The following MID1 variants were observed in gnomAD, a reference collection of about 807,000 sequenced individuals.
MID1 encodes midline 1.
In MID1, 7 loss-of-function variants were observed where a neutral mutation model predicts 40.4. That is an observed-to-expected ratio of 0.17 (90% confidence interval 0.10 to 0.33). The LOEUF is 0.33. MID1 is among the 10% of genes least tolerant of loss of function. MID1 has a pLI of 1.00. For missense variants in MID1, 367 were observed against 558.5 expected (o/e 0.66, Z 3.46); for synonymous variants, 229 against 221.2 (o/e 1.04, Z -0.31).
intron 7 of MID1, among the ~76,000 whole-genome samples, chrX:10,463,641 TGTAGG>T (rs1000189927): frequency 8.9e-6 from 1 of 112,435 alleles, no homozygotes; most frequent in Non-Finnish European, 1.9e-5. Flanking sequence ...TCCGTATTTT[TGTAGG>T]AATAATAACT....
chrX:10,595,241 C>T (rs1404999117), intron 1 of MID1, among the ~76,000 whole-genome samples: 2 of 111,721 alleles, frequency 1.8e-5, no homozygotes, highest in African/African-American at 6.5e-5. Flanking sequence ...CGAAGACACA[C>T]CCGCATATTC....
chrX:10,764,575 G>A (rs900801188), intron 1 of MID1, among the ~76,000 whole-genome samples: 2 of 111,419 alleles, frequency 1.8e-5, no homozygotes, highest in African/African-American at 3.3e-5. Flanking sequence ...TTTTTTTAAA[G>A]CTCTGTGTAT....
At chrX:10,519,634 A>G (rs774751924) in intron 3 of MID1, among the ~76,000 whole-genome samples, 2 of 111,391 alleles carry the variant, frequency 1.8e-5, no homozygotes, top group African/African-American at 6.5e-5. Flanking sequence ...CTGCTCTCTC[A>G]CCTATGTTTT....
chrX:10,620,993 A>G (rs1049876340), upstream of MID1, among the ~76,000 whole-genome samples: 1 of 112,069 alleles, frequency 8.9e-6, no homozygotes, highest in African/African-American at 3.2e-5. Context: ...TATGAGTAAC[A>G]CCTTAACTAA....
At chrX:10,539,179 T>C (rs1368701094) in intron 2 of MID1, among the ~76,000 whole-genome samples, 2 of 112,090 alleles carry the variant, frequency 1.8e-5, no homozygotes, top group Non-Finnish European at 3.8e-5. Context: ...TGTAACATTA[T>C]TTTACTTTAC....
chrX:10,617,486 G>A (rs1172940771), intron 1 of MID1, among the ~76,000 whole-genome samples: 1 of 112,321 alleles, frequency 8.9e-6, no homozygotes, highest in Non-Finnish European at 1.9e-5. Context: ...TAGCAGCTAC[G>A]TGACTTACTT....
intron 1 of MID1, among the ~76,000 whole-genome samples, chrX:10,827,554 A>T (rs1380998503): frequency 9.5e-6 from 1 of 105,552 alleles, no homozygotes; most frequent in Non-Finnish European, 1.9e-5. Flanking sequence ...TTGTCCGGAC[A>T]GATACCCAGG....
intron 4 of MID1, among the ~76,000 whole-genome samples, chrX:10,488,276 G>A (rs1930734015): frequency 9.0e-6 from 1 of 111,361 alleles, no homozygotes. Context: ...GAGCCACCGT[G>A]ACCAGTCTCA....
intron 1 of MID1, among the ~76,000 whole-genome samples, chrX:10,591,596 C>T (rs1017527947): frequency 2.7e-5 from 3 of 111,543 alleles, no homozygotes; most frequent in Non-Finnish European, 3.8e-5. Flanking sequence ...TTTATTGTGC[C>T]GGAGCCACTG....
chrX:10,658,483 CATACAAAA>C (rs2042891231), intron 1 of MID1, among the ~76,000 whole-genome samples: 1 of 18,102 alleles, frequency 5.5e-5, no homozygotes, highest in Admixed American at 6.2e-4. Context: ...AATTACAGAA[CATACAAAA>C]ATAAAGATTT....
intron 1 of MID1, among the ~76,000 whole-genome samples, chrX:10,710,424 T>C (rs773439137): frequency 3.8e-4 from 42 of 111,542 alleles, no homozygotes; most frequent in African/African-American, 1.3e-3. Flanking sequence ...TGGGTTATAG[T>C]AATTAATAAG....
chrX:10,698,021 A>G (rs920405691), intron 1 of MID1, among the ~76,000 whole-genome samples: 1 of 112,812 alleles, frequency 8.9e-6, no homozygotes, highest in Non-Finnish European at 1.9e-5. Context: ...ACTTCAAAGT[A>G]TTGATGTGGG....
intron 1 of MID1, chrX:10,582,824 T>C (rs1399820052): frequency 8.9e-6 from 1 of 111,968 alleles, no homozygotes; most frequent in Non-Finnish European, 1.9e-5. Flanking sequence ...TTGGTGCTTG[T>C]TTCAGCAGCA....
intron 1 of MID1, among the ~76,000 whole-genome samples, chrX:10,819,158 C>T (rs1190354111): frequency 3.6e-5 from 4 of 110,466 alleles, no homozygotes; most frequent in Non-Finnish European, 5.7e-5. Context: ...TCTCTCCCTC[C>T]CTCCCTCTTT....
chrX:10,528,219 T>TA (rs1266966801), intron 2 of MID1, among the ~76,000 whole-genome samples: 2 of 110,858 alleles, frequency 1.8e-5, no homozygotes, highest in East Asian at 2.8e-4. Flanking sequence ...GTAGTCACAT[T>TA]AAAAAAAATA....
At chrX:10,810,692 TTC>T (rs1156962149) in intron 1 of MID1, among the ~76,000 whole-genome samples, 2 of 82,140 alleles carry the variant, frequency 2.4e-5, no homozygotes, top group African/African-American at 4.6e-5. Flanking sequence ...GCTTGTTGTT[TTC>T]TCTGTGTGTG....
intron 1 of MID1, among the ~76,000 whole-genome samples, chrX:10,642,906 A>C (rs1422652004): frequency 9.0e-6 from 1 of 111,580 alleles, no homozygotes; most frequent in Non-Finnish European, 1.9e-5. Flanking sequence ...AAAAACAAGA[A>C]ATGGGGAAAA....
At position 10,585,904 on chromosome X, in the gene MID1, AT is replaced by A. The variant is rs780562858; in HGVS notation, c.-56-18302del. On this transcript the variant is annotated intron_variant, in intron 1 of 9. Transcript: ENST00000317552. ...TTATTAATGACAGCACAGGCATCGAATTTCAAGGTGACTTGTTTGGGCACTT... is the reference window on the plus strand; with the variant it reads ...TTATTAATGACAGCACAGGCATCGAATTCAAGGTGACTTGTTTGGGCACTT... 6.1e-3 allele frequency among the ~76,000 whole-genome samples: 681 copies of A among 111,856 alleles called. 7 individuals carry two copies. The highest frequency in any genetic ancestry group is 7.0e-3 in the Non-Finnish European group (374 of 53,199).
At chrX:10,655,864 G>A (rs1177721156) in intron 1 of MID1, among the ~76,000 whole-genome samples, 3 of 110,579 alleles carry the variant, frequency 2.7e-5, no homozygotes, top group African/African-American at 9.9e-5. Flanking sequence ...GTGTTTTCTA[G>A]ATCCACCAGC....
Sources: gnomAD v4.1 joint callset for allele counts (sites outside exome capture counted in the v4.1 genomes callset) on GRCh38, gnomAD v4.1.1 for gene constraint, MANE v1.5 for transcripts, NCBI Gene and HGNC (gene_info 2026-07-23, HGNC 2026-07-21) for gene names.